Variants in MTDH observed in about 807,000 individuals in gnomAD.
The protein encoded by MTDH is metadherin, also known as protein LYRIC.
A neutral mutation model predicts 72.7 loss-of-function variants in MTDH; 34 were observed. That is an observed-to-expected ratio of 0.47 (90% CI 0.36 to 0.62). MTDH has a LOEUF of 0.62. Ranked by LOEUF, MTDH falls within the 20% of genes least tolerant of loss-of-function variation. The pLI, the probability that MTDH is intolerant of heterozygous loss-of-function variation, is 0.00. For missense variants in MTDH, 677 were observed against 699.4 expected (o/e 0.97, Z 0.36); for synonymous variants, 266 against 268.9 (o/e 0.99, Z 0.10).
intron 2 of MTDH, among the ~76,000 whole-genome samples, chr8:97,685,741 C>CA (rs1298749395): frequency 1.4e-5 from 2 of 147,594 alleles, no homozygotes; most frequent in Non-Finnish European, 3.0e-5. Context: ...GCCTGGGTGA[C>CA]AGAGCAAGAC....
At chr8:97,701,036 T>TA (rs1239680580) in intron 7 of MTDH, among the ~76,000 whole-genome samples, 1 of 152,226 alleles carries the variant, frequency 6.6e-6, no homozygotes, top group Non-Finnish European at 1.5e-5. Flanking sequence ...AGACAGTAGA[T>TA]ACGAATTTTA....
chr8:97,651,569 G>T (rs112131711), intron 1 of MTDH, among the ~76,000 whole-genome samples: 4 of 152,310 alleles, frequency 2.6e-5, no homozygotes, highest in East Asian at 3.9e-4. Context: ...TTGCAGCTCT[G>T]TGCATGTGCG....
chr8:97,662,874 T>C (rs1452415629), intron 2 of MTDH, among the ~76,000 whole-genome samples: 3 of 151,202 alleles, frequency 2.0e-5, no homozygotes, highest in East Asian at 1.9e-4. Flanking sequence ...AGTGGCTAAG[T>C]CACTTCTTCA....
intron 2 of MTDH, among the ~76,000 whole-genome samples, chr8:97,670,856 G>A (rs1414742568): frequency 2.0e-5 from 3 of 151,648 alleles, no homozygotes; most frequent in South Asian, 2.1e-4. Flanking sequence ...ACCTGGGTTC[G>A]AGTGATTCTC....
chr8:97,695,783 A>G (rs1203202068), intron 6 of MTDH, among the ~76,000 whole-genome samples: 1 of 152,044 alleles, frequency 6.6e-6, no homozygotes, highest in Non-Finnish European at 1.5e-5. Flanking sequence ...TTTAACCTGT[A>G]TGAACCTCAT....
intron 7 of MTDH, among the ~76,000 whole-genome samples, chr8:97,703,224 G>T (rs2131039857): frequency 6.6e-6 from 1 of 152,236 alleles, no homozygotes; most frequent in Middle Eastern, 3.4e-3. Flanking sequence ...GCTGGGCGTG[G>T]TTCGCATGCC....
At chr8:97,673,660 TGGGCG>T (rs760816150) in intron 2 of MTDH, among the ~76,000 whole-genome samples, 13 of 98,912 alleles carry the variant, frequency 1.3e-4, no homozygotes, top group Non-Finnish European at 1.8e-4. Flanking sequence ...AACTCTGTCT[TGGGCG>T]GGGCGGGGAA....
chr8:97,673,189 A>T (rs1211850903), intron 2 of MTDH, among the ~76,000 whole-genome samples: 1 of 152,218 alleles, frequency 6.6e-6, no homozygotes, highest in Non-Finnish European at 1.5e-5. Flanking sequence ...CTAAAAATAT[A>T]AGCATATTCT....
chr8:97,706,822 A>G (rs1214394833), intron 8 of MTDH, 72 bp downstream of exon 8: 11 of 1,505,642 alleles, frequency 7.3e-6, no homozygotes, highest in Middle Eastern at 1.9e-4. Context: ...GCTCACGCCT[A>G]TGATTCCAGC....
At position 97,729,779 on chromosome 8, in the gene MTDH, C is replaced by T. The variant is rs960426909; in HGVS notation, c.*5109C>T. ...ATGCTGGGATTACAGGCATGAACCA[C>T]TGTGCCCAGTCTATATATAATAGAT... is the stretch of plus-strand genomic sequence containing the variant. On this transcript the variant is annotated 3_prime_UTR_variant, in exon 12 of 12. Coordinates refer to ENST00000336273, the MANE Select transcript of MTDH (RefSeq NM_178812.4). 6.6e-6 allele frequency among the ~76,000 whole-genome samples: 1 copy of T among 152,134 alleles called. No individual in the cohort carries two copies. The highest frequency in any genetic ancestry group is 2.4e-5 in the African/African-American group (1 of 41,420).
rs1170856229 is a variant in MTDH at position 97,719,145 on chromosome 8, A to G, written c.1477A>G (p.Ile493Val). 13 of 1,614,020 alleles carry G rather than the reference A, an allele frequency of 8.1e-6. No homozygotes were observed. The highest frequency in any genetic ancestry group is 4.5e-5 in the East Asian group (2 of 44,900). ...KQEKAFSLKT[I>V]STSDPAEVLV... ...GGAAAAAGCTTTTTCCTTGAAGACC[A>G]TAAGCACTAGTGATCCAGCCGAAGT... The change falls in exon 10 of 12, where the codon ATA becomes GTA. Residue 493 changes from isoleucine (I) to valine (V), a missense_variant. Physicochemically the swap from Ile to Val is conservative, Grantham distance 29 (BLOSUM62 3). This residue lies in a region of MTDH where 201 missense variants were observed against 204.5 expected (regional missense o/e 0.98). Coordinates refer to ENST00000336273, the MANE Select transcript of MTDH (RefSeq NM_178812.4).
At chr8:97,646,335 A>T (rs923521626) in intron 1 of MTDH, among the ~76,000 whole-genome samples, 2 of 152,238 alleles carry the variant, frequency 1.3e-5, no homozygotes, top group Non-Finnish European at 2.9e-5. Flanking sequence ...GAATACTACC[A>T]TAAGTTAGGA....
chr8:97,661,153 A>G lies in MTDH; in HGVS notation c.463A>G (p.Ile155Val), dbSNP rs919435427. Residue 155 changes from isoleucine (I) to valine (V), a missense_variant, in exon 2 of 12, where the codon ATT (isoleucine) becomes GTT (valine). Physicochemically the swap from Ile to Val is conservative, Grantham distance 29. Coordinates refer to ENST00000336273, the MANE Select transcript of MTDH (RefSeq NM_178812.4). ...TGTAACAGCAAAGCAGCCACCAGAG[A>G]TTGACAAGAAAAATGAAAAGGTAAG... is the stretch of plus-strand genomic sequence containing the variant. ...QSVTAKQPPE[I>V]DKKNEKSKKN... The G allele has an allele frequency of 1.2e-6, 2 of 1,611,472 alleles. No homozygotes were observed. The highest frequency in any genetic ancestry group is 1.7e-6 in the Non-Finnish European group (2 of 1,178,700).
intron 1 of MTDH, among the ~76,000 whole-genome samples, chr8:97,658,513 GAC>G: frequency 6.6e-6 from 1 of 152,324 alleles, no homozygotes; most frequent in African/African-American, 2.4e-5. Context: ...GAGTTTTTAA[GAC>G]AGTTTTTGAC....
chr8:97,644,977 G>A (rs1811508847), intron 1 of MTDH, 90 bp downstream of exon 1: 1 of 1,399,138 alleles, frequency 7.1e-7, no homozygotes, highest in Non-Finnish European at 9.4e-7. Flanking sequence ...CAGCCGGGAA[G>A]GAAAAGAGTG....
rs917752076 is a variant in MTDH at position 97,725,979 on chromosome 8, C to A, written c.*1309C>A. 1 of 152,512 alleles carries A rather than the reference C, an allele frequency of 6.6e-6. No individual in the cohort carries two copies. Among genetic ancestry groups the A allele is most frequent in the African/African-American group, 2.4e-5 (1 of 41,422 alleles). The allele number at this position is 152,512 out of a possible 1,614,324, so 9.4% of individuals were successfully genotyped here. A position where few individuals can be genotyped will look rare whatever the true frequency, so the allele number is the denominator to read the frequency against. ...AAAGAAAAAAAAGCCATGATTTATTCGATGTGATTGGCTTGTTTTTATGTG... is the reference window on the plus strand; with the variant it reads ...AAAGAAAAAAAAGCCATGATTTATTAGATGTGATTGGCTTGTTTTTATGTG... On this transcript the variant is annotated 3_prime_UTR_variant, in exon 12 of 12. Transcript: ENST00000336273.
chr8:97,682,247 TATATA>T, intron 2 of MTDH, among the ~76,000 whole-genome samples: 2 of 6,764 alleles, frequency 3.0e-4, no homozygotes, highest in East Asian at 5.7e-3. Flanking sequence ...TATATATATA[TATATA>T]TATATATATA....
chr8:97,676,011 C>T (rs1015775774), intron 2 of MTDH, among the ~76,000 whole-genome samples: 1 of 150,146 alleles, frequency 6.7e-6, no homozygotes, highest in African/African-American at 2.5e-5. Context: ...ACAATCATGG[C>T]TCACAGCATC....
chr8:97,712,381 C>T (rs1814675243), intron 8 of MTDH, among the ~76,000 whole-genome samples: 1 of 152,090 alleles, frequency 6.6e-6, no homozygotes, highest in Non-Finnish European at 1.5e-5. Context: ...ACATAATTCT[C>T]TGGAGATTCA....
Sources: gnomAD v4.1 joint callset for allele counts (sites outside exome capture counted in the v4.1 genomes callset) on GRCh38, gnomAD v4.1.1 for gene constraint, gnomAD v4.1.1 regional missense constraint, MANE v1.5 for transcripts, NCBI Gene and HGNC (gene_info 2026-07-23, HGNC 2026-07-21) for gene names.